The following MROH9 variants were observed in gnomAD, a reference collection of about 807,000 sequenced individuals.
MROH9 encodes maestro heat like repeat family member 9.
A neutral mutation model predicts 98.2 loss-of-function variants in MROH9; 92 were observed. The ratio of observed to expected loss-of-function variants is 0.94; its 90% CI spans 0.79 to 1.11. The LOEUF (loss-of-function observed/expected upper bound fraction) is 1.11. MROH9 is among the 50% of genes most tolerant of loss of function. The pLI is 0.00. For missense variants in MROH9, 1,057 were observed against 1,014.8 expected, an observed-to-expected ratio of 1.04 and a Z score of -0.57; for synonymous variants, 397 against 368.9, an observed-to-expected ratio of 1.08 and a Z score of -0.87.
chr1:170,952,772 A>T (rs957892407), intron 3 of MROH9, among the ~76,000 whole-genome samples: 6 of 149,800 alleles, frequency 4.0e-5, no homozygotes, highest in African/African-American at 7.4e-5. Context: ...TATATATATT[A>T]AAAAAAGAAG....
chr1:171,062,001 C>T, intron 20 of MROH9, 131 bp from the exon 21 acceptor site: 1 of 620,414 alleles, frequency 1.6e-6, no homozygotes. Context: ...ATTAAAAGTA[C>T]TAAAAGATGA....
chr1:171,014,153 G>A lies in MROH9; in HGVS notation c.1633G>A (p.Glu545Lys). The A allele has an allele frequency of 6.4e-7, 1 of 1,550,856 alleles. No homozygotes were observed. The highest frequency in any genetic ancestry group is 1.4e-5 in the African/African-American group (1 of 73,114). ...CTTCTTCAAGGACCCTTTACCAGAA[G>A]AATTTTTGGTCCTCTTCATAAACTG... ...NNFFKDPLPE[E>K]FLVLFINWIN... The change falls in exon 16 of 22, where the codon GAA (glutamate) becomes AAA (lysine). Residue 545 changes from glutamate to lysine, a missense_variant. Physicochemically the swap from Glu to Lys is moderately conservative, Grantham distance 56. Coordinates refer to ENST00000367759, the MANE Select transcript of MROH9 (RefSeq NM_001163629.2).
intron 3 of MROH9, among the ~76,000 whole-genome samples, chr1:170,952,573 C>G (rs33966206): frequency 0.095 from 12,525 of 131,256 alleles, 641 homozygotes; most frequent in East Asian, 0.14. Flanking sequence ...ACACAGGAAG[C>G]GGAACATCAC....
At chr1:170,958,100 C>T (rs772017189) in intron 3 of MROH9, among the ~76,000 whole-genome samples, 1 of 151,846 alleles carries the variant, frequency 6.6e-6, no homozygotes, top group Non-Finnish European at 1.5e-5. Flanking sequence ...TGAGCCACCA[C>T]GCCCGGCGCT....
chr1:170,955,949 G>A (rs528058058), intron 3 of MROH9, among the ~76,000 whole-genome samples: 1 of 152,256 alleles, frequency 6.6e-6, no homozygotes, highest in South Asian at 2.1e-4. Flanking sequence ...ATAGTTTCAG[G>A]TCTTAGATTT....
intron 15 of MROH9, among the ~76,000 whole-genome samples, chr1:171,009,045 T>C (rs1393483322): frequency 6.7e-6 from 1 of 150,096 alleles, no homozygotes; most frequent in Non-Finnish European, 1.5e-5. Flanking sequence ...TTTTAAAATA[T>C]AAGGATTTTT....
chr1:170,978,707 G>A (rs1478226593), intron 8 of MROH9, among the ~76,000 whole-genome samples: 1 of 152,148 alleles, frequency 6.6e-6, no homozygotes, highest in Non-Finnish European at 1.5e-5. Context: ...GAAGGGGACA[G>A]GTGGGAGCAG....
intron 20 of MROH9, among the ~76,000 whole-genome samples, chr1:171,029,938 G>A (rs1652852708): frequency 6.6e-6 from 1 of 152,004 alleles, no homozygotes. Flanking sequence ...GCTTTTTTTG[G>A]TTGGTAGGCT....
At chr1:170,984,937 C>A (rs28579231) in intron 9 of MROH9, among the ~76,000 whole-genome samples, 52,863 of 151,474 alleles carry the variant, frequency 0.35, 9,338 homozygotes, top group Middle Eastern at 0.47. Flanking sequence ...TCAAAGCATG[C>A]AAATAGGGGC....
At chr1:170,954,183 A>G (rs1216952952) in intron 3 of MROH9, among the ~76,000 whole-genome samples, 3 of 152,060 alleles carry the variant, frequency 2.0e-5, no homozygotes, top group Non-Finnish European at 4.4e-5. Flanking sequence ...GCACTCACAC[A>G]TTTCCAATCC....
At chr1:171,057,755 C>T (rs994974085) in intron 20 of MROH9, among the ~76,000 whole-genome samples, 6 of 152,142 alleles carry the variant, frequency 3.9e-5, no homozygotes, top group Admixed American at 2.0e-4. Context: ...GCCAATCAGA[C>T]GAAGAGTGGA....
chr1:170,998,579 T>G, intron 15 of MROH9: 1 of 1,356,362 alleles, frequency 7.4e-7, no homozygotes, highest in Non-Finnish European at 9.5e-7. Context: ...TAAAGTATAT[T>G]GAGGGATAAT....
intron 6 of MROH9, among the ~76,000 whole-genome samples, chr1:170,964,305 C>T (rs958167417): frequency 1.8e-4 from 27 of 152,014 alleles, no homozygotes; most frequent in African/African-American, 6.3e-4. Flanking sequence ...TAAAAGCTTC[C>T]CTGCTTCTCA....
intron 15 of MROH9, among the ~76,000 whole-genome samples, chr1:171,000,805 A>G (rs537211853): frequency 6.6e-5 from 10 of 152,206 alleles, no homozygotes; most frequent in Middle Eastern, 3.4e-3. Context: ...AATAGTGTCA[A>G]AAGGATTGGT....
chr1:170,945,618 A>G, intron 2 of MROH9, 37 bp downstream of exon 2: 2 of 1,591,914 alleles, frequency 1.3e-6, no homozygotes, highest in African/African-American at 1.3e-5. Flanking sequence ...GGGAGAAGGT[A>G]TTTTTGTGTA....
At position 170,947,639 on chromosome 1, in the gene MROH9, T is replaced by C; in HGVS notation, c.72+66T>C. 2.2e-6 allele frequency: 3 copies of C among 1,354,096 alleles called. No individual in the cohort carries two copies. The Admixed American group carries it at 5.4e-5, about 25-fold the overall frequency. 83.9% of individuals were successfully genotyped at this position (1,354,096 alleles called of 1,614,324 possible). A position where few individuals can be genotyped will look rare whatever the true frequency, so the allele number is the denominator to read the frequency against. On this transcript the variant is annotated intron_variant, in intron 3 of 21. Coordinates refer to ENST00000367759, the MANE Select transcript of MROH9 (RefSeq NM_001163629.2). ...TCTTGGAAAAAATAACTTTTTACTGTTTCCATTACAAGGATGTTACAAGTA... is the reference window on the plus strand; with the variant it reads ...TCTTGGAAAAAATAACTTTTTACTGCTTCCATTACAAGGATGTTACAAGTA...
chr1:170,969,382 T>C (rs1339562183), intron 7 of MROH9, among the ~76,000 whole-genome samples: 1 of 152,218 alleles, frequency 6.6e-6, no homozygotes, highest in Non-Finnish European at 1.5e-5. Context: ...TTTTATCCTG[T>C]TACATTCCTA....
intron 10 of MROH9, among the ~76,000 whole-genome samples, chr1:170,987,746 T>C (rs528700587): frequency 2.6e-5 from 4 of 152,322 alleles, no homozygotes; most frequent in African/African-American, 7.2e-5. Flanking sequence ...AAACACTATG[T>C]AAAACTAGCT....
At chr1:171,012,588 C>T (rs1051147371) in intron 15 of MROH9, among the ~76,000 whole-genome samples, 1 of 150,780 alleles carries the variant, frequency 6.6e-6, no homozygotes, top group African/African-American at 2.5e-5. Context: ...CCGCAAGCTC[C>T]GCCTCCCGGG....
Sources: allele counts gnomAD v4.1 joint callset (sites outside exome capture counted in the v4.1 genomes callset), GRCh38; gene constraint gnomAD v4.1.1; transcripts MANE v1.5; gene names NCBI Gene and HGNC (gene_info 2026-07-23, HGNC 2026-07-21).